The following FBXO4 variants were observed in gnomAD, a reference collection of about 807,000 sequenced individuals.
FBXO4 encodes the protein F-box protein 4.
A neutral mutation model predicts 43.7 loss-of-function variants in FBXO4; 36 were observed. The ratio of observed to expected loss-of-function variants is 0.82; its 90% CI spans 0.63 to 1.09. FBXO4 has a LOEUF of 1.09. Ranked by LOEUF, FBXO4 falls within the 50% of genes least tolerant of loss-of-function variation. The pLI is 0.00. For missense variants in FBXO4, 435 were observed against 474.1 expected (o/e 0.92, Z 0.77); for synonymous variants, 180 against 165.6 (o/e 1.09, Z -0.67).
At chr5:41,950,854 C>CA in the FBXO4 span, among the ~76,000 whole-genome samples, 1 of 152,178 alleles carries the variant, frequency 6.6e-6, no homozygotes, top group Non-Finnish European at 1.5e-5. Flanking sequence ...AAATGTGCCA[C>CA]ATATACACCA....
chr5:41,989,952 C>A, the FBXO4 span, among the ~76,000 whole-genome samples: 1 of 152,050 alleles, frequency 6.6e-6, no homozygotes, highest in Non-Finnish European at 1.5e-5. Flanking sequence ...CGAATATATG[C>A]CTGGTGGATG....
the FBXO4 span, among the ~76,000 whole-genome samples, chr5:42,027,509 C>G: frequency 2.0e-5 from 3 of 148,162 alleles, no homozygotes; most frequent in African/African-American, 5.2e-5. Flanking sequence ...TTTCATTGAT[C>G]TTTTGTATTT....
chr5:41,930,398 C>T (rs925884926), intron 3 of FBXO4, among the ~76,000 whole-genome samples: 2 of 152,042 alleles, frequency 1.3e-5, no homozygotes, highest in Non-Finnish European at 2.9e-5. Context: ...TATTGAGAGC[C>T]AGCCCCTATA....
At chr5:41,991,642 A>T in the FBXO4 span, among the ~76,000 whole-genome samples, 1 of 152,026 alleles carries the variant, frequency 6.6e-6, no homozygotes, top group East Asian at 1.9e-4. Context: ...CTATTGTAAA[A>T]TTTTTTGCTC....
the FBXO4 span, among the ~76,000 whole-genome samples, chr5:41,966,551 G>A: frequency 6.6e-6 from 1 of 152,150 alleles, no homozygotes; most frequent in Non-Finnish European, 1.5e-5. Flanking sequence ...CTTTCCCAAT[G>A]ACTGACTAAA....
the FBXO4 span, among the ~76,000 whole-genome samples, chr5:41,950,581 G>A: frequency 6.6e-6 from 1 of 152,226 alleles, no homozygotes; most frequent in Non-Finnish European, 1.5e-5. Flanking sequence ...TAGAGAGGAT[G>A]TGGAGAAATA....
chr5:41,925,941 C>T (rs1751480586), intron 1 of FBXO4, among the ~76,000 whole-genome samples: 1 of 152,088 alleles, frequency 6.6e-6, no homozygotes, highest in Non-Finnish European at 1.5e-5. Context: ...AGGTTTTTAC[C>T]CTCTCAAGAG....
At chr5:41,949,018 T>G in the FBXO4 span, among the ~76,000 whole-genome samples, 1 of 152,224 alleles carries the variant, frequency 6.6e-6, no homozygotes, top group African/African-American at 2.4e-5. Flanking sequence ...CAACAACTCT[T>G]CATGCTAAAA....
Position 41,927,066 on chromosome 5 carries a change from G to A in FBXO4, c.243G>A (p.Gln81=), listed in dbSNP as rs1243641689. ...LSFLSPHDLC[Q]LGSTNHYWNE... ...TTCTTTCACCTCATGATCTGTGTCA[G>A]TTGGGAAGTACAAATCATTATTGGA... The change falls in exon 2 of 7, where the codon CAG becomes CAA. Residue 81 remains glutamine (Q), a synonymous_variant. Coordinates refer to ENST00000281623, the MANE Select transcript of FBXO4 (RefSeq NM_012176.3). 6.2e-7 allele frequency: 1 copy of A among 1,613,810 alleles called. No individual in the cohort carries two copies. Among genetic ancestry groups the A allele is most frequent in the Non-Finnish European group, 8.5e-7 (1 of 1,179,892 alleles).
Position 41,934,209 on chromosome 5 carries a change from GA to G in FBXO4, c.800del (p.Asp267ValfsTer9). 1 of 1,614,120 alleles carries G rather than the reference GA, an allele frequency of 6.2e-7. No individual in the cohort carries two copies. Among genetic ancestry groups the G allele is most frequent in the Non-Finnish European group, 8.5e-7 (1 of 1,180,000 alleles). ...KMFSRHNEGD[D>X]QQGSRYSVIP... Reference sequence around the variant, plus strand: ...GTTCAGTCGACACAATGAAGGTGATGATCAACAAGGAAGCCGGTACAGTGTG... The same window carrying G: ...GTTCAGTCGACACAATGAAGGTGATGTCAACAAGGAAGCCGGTACAGTGTG... On this transcript the variant is annotated frameshift_variant, in exon 5 of 7. Transcript: ENST00000281623. LOFTEE classifies it high-confidence loss of function.
At chr5:41,956,139 A>C in the FBXO4 span, among the ~76,000 whole-genome samples, 1 of 152,248 alleles carries the variant, frequency 6.6e-6, no homozygotes, top group African/African-American at 2.4e-5. Context: ...AAAACCTATC[A>C]ATAATAAAAA....
chr5:42,000,692 C>T, the FBXO4 span, among the ~76,000 whole-genome samples: 1 of 152,094 alleles, frequency 6.6e-6, no homozygotes, highest in Non-Finnish European at 1.5e-5. Flanking sequence ...AAGCTTTTCC[C>T]TTATGTGTTC....
intron 2 of FBXO4, chr5:41,928,469 G>A (rs1193852864): frequency 6.5e-6 from 1 of 153,242 alleles, no homozygotes; most frequent in Non-Finnish European, 1.4e-5. Context: ...CGAGTAGCTG[G>A]GACTAGAGGC....
At chr5:41,934,059 G>T in intron 4 of FBXO4, 38 bp downstream of exon 4, 2 of 1,610,460 alleles carry the variant, frequency 1.2e-6, no homozygotes, top group South Asian at 2.2e-5. Context: ...TGAAACATCA[G>T]AACTAAAACA....
At chr5:41,956,737 G>A in the FBXO4 span, among the ~76,000 whole-genome samples, 1 of 135,458 alleles carries the variant, frequency 7.4e-6, no homozygotes, top group African/African-American at 2.8e-5. Flanking sequence ...TTTAAAGATG[G>A]TATTTTGCTC....
At chr5:42,030,846 T>C in the FBXO4 span, among the ~76,000 whole-genome samples, 4 of 151,898 alleles carry the variant, frequency 2.6e-5, no homozygotes, top group Non-Finnish European at 5.9e-5. Flanking sequence ...AGCCAAAAAA[T>C]ACATAAAAAA....
chr5:42,036,814 C>CT, the FBXO4 span, among the ~76,000 whole-genome samples: 13 of 151,234 alleles, frequency 8.6e-5, no homozygotes, highest in Non-Finnish European at 3.0e-5. Flanking sequence ...CAGTTACAAG[C>CT]TTTTTTTTTC....
chr5:41,977,643 G>T, the FBXO4 span, among the ~76,000 whole-genome samples: 1 of 152,016 alleles, frequency 6.6e-6, no homozygotes, highest in East Asian at 1.9e-4. Context: ...GGCCTTCACT[G>T]TCCATATTTC....
At chr5:41,967,165 G>T in the FBXO4 span, 3 of 439,912 alleles carry the variant, frequency 6.8e-6, no homozygotes, top group South Asian at 6.2e-5. Context: ...AAGCTCTTTA[G>T]ACTTCAGCAC....
Sources: allele counts gnomAD v4.1 joint callset (sites outside exome capture counted in the v4.1 genomes callset), GRCh38; gene constraint gnomAD v4.1.1; transcripts MANE v1.5; gene names NCBI Gene and HGNC (gene_info 2026-07-23, HGNC 2026-07-21).